Variants in RFX2 observed in about 807,000 individuals in gnomAD.
The protein encoded by RFX2 is regulatory factor X2.
In RFX2, 20 loss-of-function variants were observed where a neutral mutation model predicts 87.8. The observed-to-expected ratio is 0.23, with a 90% CI of 0.16 to 0.33. RFX2 has a LOEUF of 0.33. RFX2 is among the 10% of genes least tolerant of loss of function. The pLI is 1.00. For missense variants in RFX2, 767 were observed against 1,012.3 expected (o/e 0.76, Z 3.29); for synonymous variants, 397 against 431.3 (o/e 0.92, Z 0.98).
Position 6,001,654 on chromosome 19 carries a change from G to T in RFX2, c.1859+161C>A, listed in dbSNP as rs150931535. Among the ~76,000 whole-genome samples the T allele has an allele frequency of 1.6e-3, 241 of 152,214 alleles. No individual in the cohort carries two copies. Among genetic ancestry groups the T allele is most frequent in the African/African-American group, 5.5e-3 (227 of 41,520 alleles). On this transcript the variant is annotated intron_variant, in intron 15 of 17. Coordinates refer to ENST00000303657, the MANE Select transcript of RFX2 (RefSeq NM_000635.4). This position sits in a 1 kb window ranked among gnomAD's most constrained non-coding sequence, Gnocchi z 5.6. ...CTGGGAGCCGCTGGTCATGAGTGAG[G>T]CCCCCAGCCAGGTAGTTGTTTTTTG...
At chr19:6,077,937 G>C (rs1292894695) in intron 1 of RFX2, among the ~76,000 whole-genome samples, 1 of 141,768 alleles carries the variant, frequency 7.1e-6, no homozygotes, top group Non-Finnish European at 1.5e-5. Context: ...CCAAGATCGC[G>C]CCATTGCACT....
In RFX2 at chr19:6,093,477, G is replaced by A. The variant is rs532787557; in HGVS notation, c.-9+16916C>T. ...TTGAACCCGGGAGGCAGAGGTTGCAGTGAGCCGGGATTGTGCCACTGCACT... is the reference window on the plus strand; with the variant it reads ...TTGAACCCGGGAGGCAGAGGTTGCAATGAGCCGGGATTGTGCCACTGCACT... On this transcript the variant is annotated intron_variant, in intron 1 of 17. Transcript: ENST00000303657. Among the ~76,000 whole-genome samples the A allele has an allele frequency of 2.9e-3, 437 of 152,278 alleles. 2 individuals are homozygous for A. Among genetic ancestry groups the A allele is most frequent in the African/African-American group, 9.8e-3 (407 of 41,554 alleles).
Position 6,056,261 on chromosome 19 carries a change from A to C in RFX2, c.-8-8757T>G, listed in dbSNP as rs1184086309. ...TGGGTACAGGTATCCAGGTGTTATA[A>C]GAATGGCAGGACCCTGACACCCTGT... On this transcript the variant is annotated intron_variant, in intron 1 of 17. Transcript: ENST00000303657. The surrounding 1 kb of genome is among the most constrained non-coding windows in gnomAD (Gnocchi z 4.6). Among the ~76,000 whole-genome samples, 1 of 152,236 alleles carries C rather than the reference A, an allele frequency of 6.6e-6. No individual in the cohort carries two copies. Among genetic ancestry groups the C allele is most frequent in the Non-Finnish European group, 1.5e-5 (1 of 68,046 alleles).
chr19:6,015,984 G>A (rs2086721037), intron 7 of RFX2, 106 bp downstream of exon 7: 12 of 1,139,686 alleles, frequency 1.1e-5, no homozygotes, highest in African/African-American at 4.7e-5. Context: ...AGGTGGCTGC[G>A]AATCAGGCCA....
intron 1 of RFX2, among the ~76,000 whole-genome samples, chr19:6,078,934 C>T (rs369830695): frequency 1.3e-5 from 2 of 152,200 alleles, no homozygotes; most frequent in African/African-American, 4.8e-5. Flanking sequence ...TGCCACCATG[C>T]CCAGCTAATT....
intron 1 of RFX2, among the ~76,000 whole-genome samples, chr19:6,051,515 A>AT (rs1317567772): frequency 1.3e-5 from 2 of 152,186 alleles, no homozygotes; most frequent in African/African-American, 2.4e-5. Flanking sequence ...TAACCAAAAA[A>AT]ATATATATAC....
At position 5,993,917 on chromosome 19, in the gene RFX2, G is replaced by A. The variant is rs1485104781; in HGVS notation, c.*918C>T. 6.6e-6 allele frequency: 1 copy of A among 152,298 alleles called. No individual in the cohort carries two copies. Among genetic ancestry groups the A allele is most frequent in the Non-Finnish European group, 1.5e-5 (1 of 68,086 alleles). 9.4% of individuals were successfully genotyped at this position (152,298 alleles called of 1,614,324 possible). A position where few individuals can be genotyped will look rare whatever the true frequency, so the allele number is the denominator to read the frequency against. On this transcript the variant is annotated 3_prime_UTR_variant, in exon 18 of 18. Coordinates refer to ENST00000303657, the MANE Select transcript of RFX2 (RefSeq NM_000635.4). Reference sequence around the variant, plus strand: ...GCAGGCACTGCTGTTTGGACGACACGCGGGATGGCTGCTTTCTGAAGTTGT... The same window carrying A: ...GCAGGCACTGCTGTTTGGACGACACACGGGATGGCTGCTTTCTGAAGTTGT...
chr19:6,087,236 C>T (rs901160342), intron 1 of RFX2, among the ~76,000 whole-genome samples: 6 of 152,216 alleles, frequency 3.9e-5, no homozygotes, highest in South Asian at 2.1e-4. Context: ...CGAAGCGAGA[C>T]GCACACCCGT....
chr19:6,100,487 TGGC>T (rs2088102715), intron 1 of RFX2, among the ~76,000 whole-genome samples: 1 of 152,130 alleles, frequency 6.6e-6, no homozygotes, highest in Admixed American at 6.5e-5. Flanking sequence ...CAGGAGGCTT[TGGC>T]GGCGACCGGA....
chr19:5,995,086 T>G (rs2086387309), intron 17 of RFX2, 136 bp from the exon 18 acceptor site: 1 of 689,122 alleles, frequency 1.5e-6, no homozygotes, highest in African/African-American at 1.8e-5. Context: ...GGACCCCACC[T>G]CGGCCTCTGC....
chr19:6,002,105 C>A lies in RFX2; in HGVS notation c.1651-82G>T. 1 of 1,250,310 alleles carries A rather than the reference C, an allele frequency of 8.0e-7. No individual in the cohort carries two copies. Among genetic ancestry groups the A allele is most frequent in the East Asian group, 2.6e-5 (1 of 39,030 alleles). 77.5% of individuals were successfully genotyped at this position (1,250,310 alleles called of 1,614,324 possible). On this transcript the variant is annotated intron_variant, in intron 14 of 17. Coordinates refer to ENST00000303657, the MANE Select transcript of RFX2 (RefSeq NM_000635.4). This position sits in a 1 kb window ranked among gnomAD's most constrained non-coding sequence, Gnocchi z 6.7. ...TCCCTGGACCTAGCCATGCTCAGGG[C>A]GGGACATCGTGCTGTGCTTGAGCCT...
At chr19:6,046,879 TCAG>T (rs2087198419) in intron 2 of RFX2, among the ~76,000 whole-genome samples, 1 of 151,662 alleles carries the variant, frequency 6.6e-6, no homozygotes, top group African/African-American at 2.4e-5. Context: ...TCCTCCCATC[TCAG>T]CCTCCTAAGG....
intron 1 of RFX2, among the ~76,000 whole-genome samples, chr19:6,109,829 G>C (rs372529069): frequency 6.6e-6 from 1 of 152,034 alleles, no homozygotes; most frequent in African/African-American, 2.4e-5. Context: ...CCCCAATTCA[G>C]AGAATTCGAG....
At chr19:6,105,163 T>C (rs867714998) in intron 1 of RFX2, among the ~76,000 whole-genome samples, 44 of 151,864 alleles carry the variant, frequency 2.9e-4, no homozygotes, top group African/African-American at 9.9e-4. Context: ...GTTCCTGCCC[T>C]TACTGAGCTG....
rs2086832086 is a variant in RFX2 at position 6,022,655 on chromosome 19, G to A, written c.597+3508C>T. Among the ~76,000 whole-genome samples the A allele has an allele frequency of 6.6e-6, 1 of 152,244 alleles. No individual in the cohort carries two copies. The highest frequency in any genetic ancestry group is 1.5e-5 in the Non-Finnish European group (1 of 68,040). On this transcript the variant is annotated intron_variant, in intron 6 of 17. Coordinates refer to ENST00000303657, the MANE Select transcript of RFX2 (RefSeq NM_000635.4). The surrounding 1 kb of genome is among the most constrained non-coding windows in gnomAD (Gnocchi z 6.2). ...GCTCCGTCCCCTTCCCTCTGGAAGA[G>A]CTAATCCCCATTTTCACGGCGCCAT... is the stretch of plus-strand genomic sequence containing the variant.
chr19:6,067,372 G>A (rs2087529370), intron 1 of RFX2, among the ~76,000 whole-genome samples: 1 of 152,172 alleles, frequency 6.6e-6, no homozygotes, highest in African/African-American at 2.4e-5. Context: ...TGCCTTGTGG[G>A]GCTTTGCCGG....
At chr19:6,066,443 C>T (rs990306312) in intron 1 of RFX2, among the ~76,000 whole-genome samples, 3 of 152,072 alleles carry the variant, frequency 2.0e-5, no homozygotes, top group African/African-American at 4.8e-5. Flanking sequence ...CCAGAAATTG[C>T]GGATTTATCA....
rs75489204 is a variant in RFX2 at position 6,042,795 on chromosome 19, G to A, written c.181-672C>T. Among the ~76,000 whole-genome samples the A allele has an allele frequency of 5.5e-3, 831 of 152,358 alleles. 2 individuals carry two copies. The highest frequency in any genetic ancestry group is 0.014 in the South Asian group (66 of 4,832). On this transcript the variant is annotated intron_variant, in intron 3 of 17. Transcript: ENST00000303657. ...GAAACATCAGTTCAGAGCCTCGGCT[G>A]ACAGGCCCCGAGGGACTCTAGTCCG...
At chr19:6,015,719 T>C (rs1165354506) in intron 7 of RFX2, among the ~76,000 whole-genome samples, 2 of 152,138 alleles carry the variant, frequency 1.3e-5, no homozygotes, top group Non-Finnish European at 2.9e-5. Flanking sequence ...CAGGCTGGTC[T>C]TGAACTCCTA....
Sources: allele counts gnomAD v4.1 joint callset (sites outside exome capture counted in the v4.1 genomes callset), GRCh38; gene constraint gnomAD v4.1.1; non-coding constraint Gnocchi (gnomAD v3.1); transcripts MANE v1.5; gene names NCBI Gene and HGNC (gene_info 2026-07-23, HGNC 2026-07-21).